Variants in TONSL observed in about 807,000 individuals in gnomAD.
The protein encoded by TONSL is tonsoku like, DNA repair protein.
A neutral mutation model predicts 147.1 loss-of-function variants in TONSL; 112 were observed. The ratio of observed to expected loss-of-function variants is 0.76; its 90% confidence interval spans 0.65 to 0.89. The LOEUF is 0.89. Among genes scored for constraint, TONSL ranks in the 40% least tolerant of loss-of-function variants. The pLI is 0.00. For synonymous variants in TONSL, 868 were observed against 801.5 expected, an observed-to-expected ratio of 1.08 and a Z score of -1.40; for missense variants, 1,883 against 1,864.6, an observed-to-expected ratio of 1.01 and a Z score of -0.18.
In TONSL at chr8:144,435,543, G is replaced by A. The variant is rs745379939; in HGVS notation, c.2783C>T (p.Ala928Val). The A allele has an allele frequency of 2.6e-5, 41 of 1,551,846 alleles. No individual in the cohort carries two copies. The East Asian group carries it at 1.0e-3, about 38-fold the overall frequency. ...SSAAGQPLGP[A>V]PPPPIRVRVQ... ...TCGAACCCGGATGGGAGGGGGCGGG[G>A]CCGGACCCTGGCAGGTGAAGGCAGC... is the stretch of plus-strand genomic sequence containing the variant. Residue 928 changes from alanine (A) to valine (V), a missense_variant, in exon 18 of 26, where the codon GCC becomes GTC. Coordinates refer to ENST00000409379, the MANE Select transcript of TONSL (RefSeq NM_013432.5).
Position 144,440,202 on chromosome 8 carries a change from G to C in TONSL, c.1299C>G (p.Val433=). The change falls in exon 11 of 26, where the codon GTC becomes GTG. Residue 433 remains valine, a synonymous_variant. Transcript: ENST00000409379. Reference sequence around the variant, plus strand: ...GCTGCACGGTATGGAGATGCTGCAAGACCTGCCTCTGAGGAGCAGAGGGAT... The same window carrying C: ...GCTGCACGGTATGGAGATGCTGCAACACCTGCCTCTGAGGAGCAGAGGGAT... ...QAQRPQLQRQ[V]LQHLHTVQLR... 1 of 1,595,338 alleles carries C rather than the reference G, an allele frequency of 6.3e-7. No individual in the cohort carries two copies. The highest frequency in any genetic ancestry group is 1.1e-5 in the South Asian group (1 of 89,506).
chr8:144,440,100 C>CTCATCT lies in TONSL; in HGVS notation c.1395_1400dup (p.Asp466_Glu467dup), dbSNP rs768606981. 1 of 1,610,938 alleles carries CTCATCT rather than the reference C, an allele frequency of 6.2e-7. No individual in the cohort carries two copies. Among genetic ancestry groups the CTCATCT allele is most frequent in the South Asian group, 1.1e-5 (1 of 90,944 alleles). ...CTGCCGCCTCCTCCGCCTCCTCCTC[C>CTCATCT]TCATCTTCATCTTCAGCTACACTGA... On this transcript the variant is annotated inframe_insertion, in exon 11 of 26. Coordinates refer to ENST00000409379, the MANE Select transcript of TONSL (RefSeq NM_013432.5).
intron 22 of TONSL, 120 bp from the exon 23 acceptor site, chr8:144,432,580 T>G: frequency 9.7e-7 from 1 of 1,025,958 alleles, no homozygotes; most frequent in Non-Finnish European, 1.3e-6. Flanking sequence ...GCTCGCAGGG[T>G]GGGGTGGCAA....
chr8:144,435,075 T>A lies in TONSL; in HGVS notation c.2948A>T (p.Glu983Val). The A allele has an allele frequency of 6.2e-7, 1 of 1,610,404 alleles. No individual in the cohort carries two copies. Among genetic ancestry groups the A allele is most frequent in the Non-Finnish European group, 8.5e-7 (1 of 1,178,854 alleles). Residue 983 changes from glutamate to valine, a missense_variant, in exon 19 of 26, where the codon GAG becomes GTG. Coordinates refer to ENST00000409379, the MANE Select transcript of TONSL (RefSeq NM_013432.5). ...GTCCTGTGGGGCCAGCAGGGCCCCC[T>A]CTTTCCGTAGGGTGAGCCTGGGCAG... Reference protein sequence around the residue: ...GLLPRLTLRKEGALLAPQDLI... With the variant: ...GLLPRLTLRKVGALLAPQDLI...
At position 144,432,398 on chromosome 8, in the gene TONSL, T is replaced by C. The variant is rs1554878909; in HGVS notation, c.3622A>G (p.Arg1208Gly). The C allele has an allele frequency of 1.9e-6, 3 of 1,600,910 alleles. No homozygotes were observed. The highest frequency in any genetic ancestry group is 1.7e-6 in the Non-Finnish European group (2 of 1,174,866). Residue 1208 changes from arginine (R) to glycine (G), a missense_variant, in exon 23 of 26, where the codon AGG becomes GGG. By Grantham distance (125) the Arg-to-Gly change is moderately radical. Coordinates refer to ENST00000409379, the MANE Select transcript of TONSL (RefSeq NM_013432.5). Reference protein sequence around the residue: ...YNALGAPALARTLQSLPAGTL... With the variant: ...YNALGAPALAGTLQSLPAGTL... ...CCGGCGGGCAGGCTCTGCAGGGTCCTGGCCAGGGCAGGGGCTCCCAGGGCG... is the reference window on the plus strand; with the variant it reads ...CCGGCGGGCAGGCTCTGCAGGGTCCCGGCCAGGGCAGGGGCTCCCAGGGCG...
chr8:144,428,946 C>A lies in TONSL; in HGVS notation c.*197G>T. ...CTGGGACTACAGGCTTCCACCACCA[C>A]GCCCGGCTAATTTTTGGTATTTTTA... On this transcript the variant is annotated 3_prime_UTR_variant, in exon 26 of 26. Coordinates refer to ENST00000409379, the MANE Select transcript of TONSL (RefSeq NM_013432.5). 1 of 564,180 alleles carries A rather than the reference C, an allele frequency of 1.8e-6. No individual in the cohort carries two copies. The highest frequency in any genetic ancestry group is 3.6e-5 in the East Asian group (1 of 27,752). The allele number at this position is 564,180 out of a possible 1,614,324, so 34.9% of individuals were successfully genotyped here. A position where few individuals can be genotyped will look rare whatever the true frequency, so the allele number is the denominator to read the frequency against.
At chr8:144,442,011 G>A in intron 7 of TONSL, 26 bp downstream of exon 7, 2 of 1,601,560 alleles carry the variant, frequency 1.2e-6, no homozygotes, top group South Asian at 2.2e-5. Flanking sequence ...CACCTCCCAG[G>A]GCCCCATTCG....
chr8:144,431,861 G>A (rs1482852336), intron 23 of TONSL, among the ~76,000 whole-genome samples: 1 of 137,022 alleles, frequency 7.3e-6, no homozygotes, highest in African/African-American at 2.8e-5. Context: ...ACGGAATCTC[G>A]CTCTGTCACC....
chr8:144,430,269 G>A (rs1373221874), intron 25 of TONSL, 135 bp downstream of exon 25: 12 of 1,109,208 alleles, frequency 1.1e-5, no homozygotes, highest in Non-Finnish European at 1.1e-5. Flanking sequence ...GCCCCCTGCT[G>A]CCCCAGCCTC....
intron 25 of TONSL, 120 bp downstream of exon 25, chr8:144,430,284 A>G: frequency 8.1e-7 from 1 of 1,227,604 alleles, no homozygotes; most frequent in Non-Finnish European, 1.1e-6. Context: ...AGCCTCATGG[A>G]GCCCAGCCTT....
chr8:144,443,428 C>G, intron 3 of TONSL, 107 bp from the exon 4 acceptor site: 1 of 1,165,506 alleles, frequency 8.6e-7, no homozygotes, highest in African/African-American at 1.5e-5. Flanking sequence ...GCCTGCTCCC[C>G]CTAACCCCCA....
chr8:144,439,099 C>T (rs548044385), intron 11 of TONSL, among the ~76,000 whole-genome samples: 2 of 152,242 alleles, frequency 1.3e-5, no homozygotes, highest in African/African-American at 2.4e-5. Flanking sequence ...AGTCTTCCTC[C>T]ACCCCACGCC....
chr8:144,428,941 C>A lies in TONSL; in HGVS notation c.*202G>T. The A allele has an allele frequency of 1.8e-6, 1 of 546,976 alleles. No homozygotes were observed. Among genetic ancestry groups the A allele is most frequent in the Non-Finnish European group, 3.0e-6 (1 of 330,514 alleles). The allele number at this position is 546,976 out of a possible 1,614,324, so 33.9% of individuals were successfully genotyped here. A position where few individuals can be genotyped will look rare whatever the true frequency, so the allele number is the denominator to read the frequency against. On this transcript the variant is annotated 3_prime_UTR_variant, in exon 26 of 26. Coordinates refer to ENST00000409379, the MANE Select transcript of TONSL (RefSeq NM_013432.5). ...AGTAGCTGGGACTACAGGCTTCCAC[C>A]ACCACGCCCGGCTAATTTTTGGTAT...
At chr8:144,430,829 G>A (rs555987014) in intron 24 of TONSL, among the ~76,000 whole-genome samples, 35 of 152,338 alleles carry the variant, frequency 2.3e-4, no homozygotes, top group Non-Finnish European at 3.7e-4. Flanking sequence ...CATGTGGGCC[G>A]AGGCACAGGA....
chr8:144,444,046 C>A, intron 2 of TONSL, 22 bp from the exon 3 acceptor site: 2 of 1,502,400 alleles, frequency 1.3e-6, no homozygotes, highest in Non-Finnish European at 1.8e-6. Context: ...CACAGCACGG[C>A]CTGGCAGGCG....
At position 144,433,664 on chromosome 8, in the gene TONSL, G is replaced by GCCTGCA; in HGVS notation, c.3482_3483insTGCAGG (p.Thr1161_Leu1162insAlaGly). The GCCTGCA allele has an allele frequency of 6.2e-7, 1 of 1,613,214 alleles. No homozygotes were observed. The highest frequency in any genetic ancestry group is 1.1e-5 in the South Asian group (1 of 91,070). On this transcript the variant is annotated inframe_insertion, in exon 22 of 26. Transcript: ENST00000409379. The stretch of plus-strand genomic sequence containing the variant: ...CGAAGCCACACGCCTGCAGGCGCAG[G>GCCTGCA]GTGCTGAGTAAGGGGCAGGCGTGCA...
Position 144,436,293 on chromosome 8 carries a change from C to A in TONSL, c.2140G>T (p.Ala714Ser). ...TGCCCTGGGGAGACCCTGACATGGG[C>A]CTGAGAGGCCTCTGGGAGTCTAGTG... Reference protein sequence around the residue: ...NSTRLPEASQAHVRVSPGQAA... With the variant: ...NSTRLPEASQSHVRVSPGQAA... The change falls in exon 17 of 26, where the codon GCC becomes TCC. Residue 714 changes from alanine to serine, a missense_variant. Ala to Ser is a moderately conservative substitution (Grantham distance 99). Coordinates refer to ENST00000409379, the MANE Select transcript of TONSL (RefSeq NM_013432.5). 1 of 1,505,006 alleles carries A rather than the reference C, an allele frequency of 6.6e-7. No homozygotes were observed. Among genetic ancestry groups the A allele is most frequent in the Non-Finnish European group, 8.8e-7 (1 of 1,133,192 alleles). The allele number at this position is 1,505,006 out of a possible 1,614,324, so 93.2% of individuals were successfully genotyped here. A position where few individuals can be genotyped will look rare whatever the true frequency, so the allele number is the denominator to read the frequency against.
chr8:144,436,465 G>A (rs557964759), intron 16 of TONSL, 47 bp from the exon 17 acceptor site: 64 of 1,545,544 alleles, frequency 4.1e-5, no homozygotes, highest in Middle Eastern at 1.7e-4. Context: ...GGCACCTCCC[G>A]CTCCACCTGT....
Position 144,436,436 on chromosome 8 carries a change from C to G in TONSL, c.2015-18G>C, listed in dbSNP as rs568379371. The G allele has an allele frequency of 2.0e-6, 3 of 1,523,096 alleles. No individual in the cohort carries two copies. The Admixed American group carries it at 6.0e-5, about 30-fold the overall frequency. 94.3% of individuals were successfully genotyped at this position (1,523,096 alleles called of 1,614,324 possible). ...GTGGGGATCTGTGGGAGAGAGAATGCGTGTTGAGGCAGGGGCCCGGCACCT... is the reference window on the plus strand; with the variant it reads ...GTGGGGATCTGTGGGAGAGAGAATGGGTGTTGAGGCAGGGGCCCGGCACCT... On this transcript the variant is annotated intron_variant, in intron 16 of 25. Coordinates refer to ENST00000409379, the MANE Select transcript of TONSL (RefSeq NM_013432.5).
Sources: gnomAD v4.1 joint callset for allele counts (sites outside exome capture counted in the v4.1 genomes callset) on GRCh38, gnomAD v4.1.1 for gene constraint, MANE v1.5 for transcripts, NCBI Gene and HGNC (gene_info 2026-07-23, HGNC 2026-07-21) for gene names.